SLC22A23: variants seen among roughly 807,000 people sequenced by gnomAD.
The protein encoded by SLC22A23 is ion transporter protein.
A neutral mutation model predicts 61.0 loss-of-function variants in SLC22A23; 26 were observed. That is an observed-to-expected ratio of 0.43 (90% CI 0.31 to 0.59). The LOEUF (loss-of-function observed/expected upper bound fraction) is 0.59. Ranked by LOEUF, SLC22A23 falls within the 20% of genes least tolerant of loss-of-function variation. The probability of loss-of-function intolerance (pLI) is 0.11; values close to 1 mark genes in which losing one functional copy is unlikely to be tolerated. For missense variants in SLC22A23, 796 were observed against 934.7 expected (o/e 0.85, Z 1.94); for synonymous variants, 430 against 413.9 (o/e 1.04, Z -0.47).
At chr6:3,303,269 G>A (rs1761746481) in intron 4 of SLC22A23, 1 of 152,146 alleles carries the variant, frequency 6.6e-6, no homozygotes, top group Non-Finnish European at 1.5e-5. Context: ...ATGTAAACTA[G>A]TACATCAACT....
Position 3,271,156 on chromosome 6 carries a change from A to T in SLC22A23, c.*1899T>A, listed in dbSNP as rs191969999. ...AGTTTGGCACGCAAAGGCTGCACAGATCTAAAGAAAGGCCTTTGTAAAGGT... is the reference window on the plus strand; with the variant it reads ...AGTTTGGCACGCAAAGGCTGCACAGTTCTAAAGAAAGGCCTTTGTAAAGGT... On this transcript the variant is annotated 3_prime_UTR_variant, in exon 10 of 10. Coordinates refer to ENST00000406686, the MANE Select transcript of SLC22A23 (RefSeq NM_015482.2). The T allele has an allele frequency of 9.2e-5, 14 of 152,532 alleles. No homozygotes were observed. In the East Asian group the frequency reaches 1.9e-3, roughly 20 times the overall value. 9.4% of individuals were successfully genotyped at this position (152,532 alleles called of 1,614,324 possible). A position where few individuals can be genotyped will look rare whatever the true frequency, so the allele number is the denominator to read the frequency against.
At chr6:3,354,555 C>T (rs2127438368) in intron 3 of SLC22A23, among the ~76,000 whole-genome samples, 1 of 152,298 alleles carries the variant, frequency 6.6e-6, no homozygotes, top group South Asian at 2.1e-4. Flanking sequence ...CTCAAGAGAC[C>T]CAGCATCCAG....
chr6:3,323,811 G>A (rs1351304929), intron 4 of SLC22A23, 23 bp downstream of exon 4: 1 of 1,600,714 alleles, frequency 6.2e-7, no homozygotes, highest in Non-Finnish European at 8.5e-7. Context: ...ACCAGCCCAG[G>A]GCGCTGTGCA....
At chr6:3,310,298 C>T (rs1762286380) in intron 4 of SLC22A23, among the ~76,000 whole-genome samples, 1 of 143,604 alleles carries the variant, frequency 7.0e-6, no homozygotes, top group Non-Finnish European at 1.5e-5. Flanking sequence ...AGGGAGCACC[C>T]TGTCTCCCAC....
At position 3,273,187 on chromosome 6, in the gene SLC22A23, C is replaced by T. The variant is rs777092248; in HGVS notation, c.1929G>A (p.Pro643=). ...GCAGTGGCTGCTCCCCCTTCTTGTG[C>T]GGCAGCAGCGGCTGGCGCGTGTAGT... The part of the protein sequence containing the change: ...GEHYTRQPLL[P]HKKGEQPLLL... Residue 643 remains proline, a synonymous_variant, in exon 10 of 10, where the codon CCG becomes CCA. Transcript: ENST00000406686. The T allele has an allele frequency of 2.1e-5, 34 of 1,612,802 alleles. No individual in the cohort carries two copies. The highest frequency in any genetic ancestry group is 1.6e-4 in the Middle Eastern group (1 of 6,082).
At chr6:3,449,062 C>A (rs1772050157) in intron 1 of SLC22A23, among the ~76,000 whole-genome samples, 1 of 152,206 alleles carries the variant, frequency 6.6e-6, no homozygotes. Flanking sequence ...AGGGCCACTG[C>A]CAAACTAAAT....
intron 3 of SLC22A23, among the ~76,000 whole-genome samples, chr6:3,391,195 G>A (rs563036866): frequency 4.6e-5 from 7 of 152,362 alleles, no homozygotes; most frequent in African/African-American, 9.6e-5. Flanking sequence ...ATGGAAATGT[G>A]ATTTGCACAC....
Position 3,309,029 on chromosome 6 carries a change from CT to C in SLC22A23, c.1083-10812del, listed in dbSNP as rs144034551. On this transcript the variant is annotated intron_variant, in intron 4 of 9. Transcript: ENST00000406686. The surrounding 1 kb of genome is among the most constrained non-coding windows in gnomAD (Gnocchi z 4.7). Reference sequence around the variant, plus strand: ...CCCTAACCCCATGGCTTCAATTAATCTTAAAAAGAGCCGAGGGCTGGGCGCT... The same window carrying C: ...CCCTAACCCCATGGCTTCAATTAATCTAAAAAGAGCCGAGGGCTGGGCGCT... 0.015 allele frequency among the ~76,000 whole-genome samples: 2,222 copies of C among 151,656 alleles called. 50 individuals are homozygous for C. The highest frequency in any genetic ancestry group is 0.051 in the African/African-American group (2,109 of 41,314).
At position 3,416,975 on chromosome 6, in the gene SLC22A23, C is replaced by G. The variant is rs9392491; in HGVS notation, c.655-1120G>C. 1.9e-3 allele frequency among the ~76,000 whole-genome samples: 294 copies of G among 152,058 alleles called. 2 individuals are homozygous for G. Among genetic ancestry groups the G allele is most frequent in the Non-Finnish European group, 2.4e-3 (166 of 67,980 alleles). ...TTCTGTCTTCTTAGATGTCTCCCCC[C>G]GCCCCTTGTCTCTATGCTACCCAGA... is the stretch of plus-strand genomic sequence containing the variant. On this transcript the variant is annotated intron_variant, in intron 1 of 9. Transcript: ENST00000406686.
intron 2 of SLC22A23, 62 bp downstream of exon 2, chr6:3,415,690 T>C (rs1769647113): frequency 2.2e-5 from 26 of 1,196,514 alleles, no homozygotes; most frequent in Non-Finnish European, 3.1e-5. Flanking sequence ...CTATTTTTCT[T>C]TAGCCAGCAA....
intron 3 of SLC22A23, among the ~76,000 whole-genome samples, chr6:3,332,058 G>A (rs542679640): frequency 1.6e-4 from 24 of 152,272 alleles, no homozygotes; most frequent in African/African-American, 5.1e-4. Context: ...ATTATATCAC[G>A]CTTTTGAGCA....
At chr6:3,365,259 T>C (rs541851391) in intron 3 of SLC22A23, among the ~76,000 whole-genome samples, 4 of 151,686 alleles carry the variant, frequency 2.6e-5, no homozygotes, top group African/African-American at 9.7e-5. Context: ...GAGGTGGAGG[T>C]TGCAGTGAGC....
intron 3 of SLC22A23, among the ~76,000 whole-genome samples, chr6:3,349,172 C>T (rs1479035632): frequency 6.6e-6 from 1 of 152,212 alleles, no homozygotes; most frequent in Non-Finnish European, 1.5e-5. Context: ...GCACTTCTCC[C>T]TGCTCTTCGT....
chr6:3,444,791 A>G (rs1771800168), intron 1 of SLC22A23: 2 of 985,462 alleles, frequency 2.0e-6, no homozygotes, highest in Non-Finnish European at 2.4e-6. Context: ...ATCACCCTGG[A>G]TGCAGGCTTC....
At chr6:3,357,270 AAC>A (rs1765173475) in intron 3 of SLC22A23, among the ~76,000 whole-genome samples, 1 of 152,216 alleles carries the variant, frequency 6.6e-6, no homozygotes, top group Admixed American at 6.5e-5. Context: ...CAGTGCAAAC[AAC>A]CAGCTGGAGG....
At chr6:3,370,730 A>G (rs931223731) in intron 3 of SLC22A23, among the ~76,000 whole-genome samples, 3 of 152,362 alleles carry the variant, frequency 2.0e-5, no homozygotes, top group African/African-American at 4.8e-5. Context: ...GAAAACGTCA[A>G]TTGTGGTTTG....
intron 2 of SLC22A23, among the ~76,000 whole-genome samples, chr6:3,411,974 C>G (rs1175287549): frequency 6.6e-6 from 1 of 152,184 alleles, no homozygotes; most frequent in Non-Finnish European, 1.5e-5. Context: ...GAAAAATGAA[C>G]TAACTCTAAC....
rs1763471232 is a variant in SLC22A23, at chr6:3,329,591, C to T, written c.914-5589G>A. ...TGGCCTAGAGGTGGGGGTTAGATTC[C>T]TCCCCGGCCTCTGCTGGGCGGTGTG... On this transcript the variant is annotated intron_variant, in intron 3 of 9. Coordinates refer to ENST00000406686, the MANE Select transcript of SLC22A23 (RefSeq NM_015482.2). The surrounding 1 kb of genome is among the most constrained non-coding windows in gnomAD (Gnocchi z 4.8). Among the ~76,000 whole-genome samples the T allele has an allele frequency of 6.6e-6, 1 of 152,180 alleles. No homozygotes were observed. Among genetic ancestry groups the T allele is most frequent in the East Asian group, 1.9e-4 (1 of 5,196 alleles).
intron 3 of SLC22A23, among the ~76,000 whole-genome samples, chr6:3,400,503 C>G (rs1268567745): frequency 6.6e-6 from 1 of 152,224 alleles, no homozygotes; most frequent in Non-Finnish European, 1.5e-5. Flanking sequence ...CACAAACATG[C>G]AAATGTCCAC....
Sources: allele counts gnomAD v4.1 joint callset (sites outside exome capture counted in the v4.1 genomes callset), GRCh38; gene constraint gnomAD v4.1.1; non-coding constraint Gnocchi (gnomAD v3.1); transcripts MANE v1.5; gene names NCBI Gene and HGNC (gene_info 2026-07-23, HGNC 2026-07-21).